Variants in MAGI2 observed in about 807,000 individuals in gnomAD.
MAGI2 encodes membrane associated guanylate kinase, WW and PDZ domain containing 2.
In MAGI2, 35 loss-of-function variants were observed where a neutral mutation model predicts 133.3. The ratio of observed to expected loss-of-function variants is 0.26; its 90% CI spans 0.20 to 0.35. MAGI2 has a LOEUF of 0.35. MAGI2 is among the 10% of genes least tolerant of loss of function. The pLI, the probability that MAGI2 is intolerant of heterozygous loss-of-function variation, is 1.00. For missense variants in MAGI2, 1,636 were observed against 1,863.4 expected, an observed-to-expected ratio of 0.88 and a Z score of 2.25; for synonymous variants, 729 against 710.6, an observed-to-expected ratio of 1.03 and a Z score of -0.41.
At chr7:78,534,473 A>G (rs1797718771) in intron 3 of MAGI2, among the ~76,000 whole-genome samples, 1 of 152,164 alleles carries the variant, frequency 6.6e-6, no homozygotes, top group Non-Finnish European at 1.5e-5. Flanking sequence ...TTGTATATAT[A>G]TGTGTGTGTG....
At position 78,603,613 on chromosome 7, in the gene MAGI2, C is replaced by G. The variant is rs140346241; in HGVS notation, c.538+23507G>C. On this transcript the variant is annotated intron_variant, in intron 3 of 21. Transcript: ENST00000354212. ...TGTCAGCTCACTGCAACCTCTGCCTCCCAGGTTCAAGCAATTCTCCTGCCT... is the reference window on the plus strand; with the variant it reads ...TGTCAGCTCACTGCAACCTCTGCCTGCCAGGTTCAAGCAATTCTCCTGCCT... Among the ~76,000 whole-genome samples the G allele has an allele frequency of 6.4e-3, 981 of 152,278 alleles. 9 individuals carry two copies. Among genetic ancestry groups the G allele is most frequent in the Non-Finnish European group, 9.3e-3 (634 of 68,018 alleles).
rs550720211 is a variant in MAGI2 at position 78,849,044 on chromosome 7, C to A, written c.418+158046G>T. On this transcript the variant is annotated intron_variant, in intron 2 of 21. Coordinates refer to ENST00000354212, the MANE Select transcript of MAGI2 (RefSeq NM_012301.4). Reference sequence around the variant, plus strand: ...TCAAACAAATGGTTATAAAACATTGCTTTTTATGCAAATTCCAAATTTATT... The same window carrying A: ...TCAAACAAATGGTTATAAAACATTGATTTTTATGCAAATTCCAAATTTATT... Among the ~76,000 whole-genome samples the A allele has an allele frequency of 8.5e-5, 13 of 152,118 alleles. 1 individual carries two copies. In the South Asian group the frequency reaches 2.7e-3, roughly 32 times the overall value.
intron 6 of MAGI2, among the ~76,000 whole-genome samples, chr7:78,454,044 T>C (rs896561461): frequency 1.1e-4 from 17 of 152,128 alleles, no homozygotes; most frequent in African/African-American, 3.9e-4. Flanking sequence ...ATGACTGATA[T>C]CATAAATACA....
At chr7:78,690,035 C>T (rs886356017) in intron 2 of MAGI2, among the ~76,000 whole-genome samples, 1 of 152,010 alleles carries the variant, frequency 6.6e-6, no homozygotes, top group African/African-American at 2.4e-5. Flanking sequence ...TCATGTTTTG[C>T]AAGAGTTATT....
chr7:78,996,229 A>G (rs1266716714), intron 2 of MAGI2, among the ~76,000 whole-genome samples: 4 of 151,976 alleles, frequency 2.6e-5, no homozygotes, highest in Non-Finnish European at 4.4e-5. Flanking sequence ...CATCAGTGTC[A>G]ACAAATTAAA....
intron 10 of MAGI2, among the ~76,000 whole-genome samples, chr7:78,212,323 C>A (rs1787846108): frequency 6.6e-6 from 1 of 152,214 alleles, no homozygotes; most frequent in African/African-American, 2.4e-5. Context: ...TAAAGGCCTT[C>A]AGATGCAAAG....
chr7:79,375,922 T>A (rs1308725422), intron 1 of MAGI2, among the ~76,000 whole-genome samples: 1 of 151,958 alleles, frequency 6.6e-6, no homozygotes, highest in South Asian at 2.1e-4. Flanking sequence ...ATATATGCTT[T>A]AAATGACCAG....
Position 78,617,313 on chromosome 7 carries a change from A to G in MAGI2, c.538+9807T>C, listed in dbSNP as rs573321858. 5 of 152,218 alleles carry G rather than the reference A, an allele frequency of 3.3e-5. No homozygotes were observed. The South Asian group carries it at 8.3e-4, about 25-fold the overall frequency. The allele number at this position is 152,218 out of a possible 1,614,324, so 9.4% of individuals were successfully genotyped here. On this transcript the variant is annotated intron_variant, in intron 3 of 21. Transcript: ENST00000354212. ...ACTTTCCATTTTGTTGTAACTTATAATTTAAATTTGTGCTTTCTGCTGGTC... is the reference window on the plus strand; with the variant it reads ...ACTTTCCATTTTGTTGTAACTTATAGTTTAAATTTGTGCTTTCTGCTGGTC...
intron 4 of MAGI2, among the ~76,000 whole-genome samples, chr7:78,513,683 C>T (rs1264557958): frequency 6.6e-6 from 1 of 152,182 alleles, no homozygotes; most frequent in African/African-American, 2.4e-5. Flanking sequence ...CCTTGTTCTG[C>T]CTTCCTCACT....
chr7:79,100,139 T>A (rs1817850702), intron 1 of MAGI2, among the ~76,000 whole-genome samples: 1 of 152,202 alleles, frequency 6.6e-6, no homozygotes, highest in African/African-American at 2.4e-5. Context: ...CCTTTTGTTA[T>A]AAATTAAAGT....
chr7:78,495,472 C>T (rs1794004162), intron 5 of MAGI2, among the ~76,000 whole-genome samples: 1 of 152,146 alleles, frequency 6.6e-6, no homozygotes, highest in African/African-American at 2.4e-5. Context: ...ATGATTGTAA[C>T]ATTTTCCAAA....
intron 3 of MAGI2, among the ~76,000 whole-genome samples, chr7:78,612,770 T>C (rs1352852877): frequency 6.6e-6 from 1 of 152,056 alleles, no homozygotes; most frequent in African/African-American, 2.4e-5. Context: ...CCCAGGTTCA[T>C]GCCATTCTCC....
At chr7:79,003,107 G>T (rs758998787) in intron 2 of MAGI2, among the ~76,000 whole-genome samples, 15 of 151,986 alleles carry the variant, frequency 9.9e-5, no homozygotes, top group Non-Finnish European at 1.9e-4. Flanking sequence ...TCAGCAAGCA[G>T]CAGGAAACAG....
chr7:78,370,082 A>C (rs914719917), intron 6 of MAGI2, among the ~76,000 whole-genome samples: 1 of 152,092 alleles, frequency 6.6e-6, no homozygotes, highest in East Asian at 1.9e-4. Context: ...TGAAGTTTAA[A>C]AAGTTTTATT....
chr7:78,050,599 G>T (rs1261749026), intron 21 of MAGI2, among the ~76,000 whole-genome samples: 1 of 152,170 alleles, frequency 6.6e-6, no homozygotes, highest in African/African-American at 2.4e-5. Context: ...AGAAAGCAGG[G>T]GAATTGAAAC....
intron 10 of MAGI2, among the ~76,000 whole-genome samples, chr7:78,220,731 C>T (rs190042957): frequency 1.1e-3 from 168 of 152,308 alleles, no homozygotes; most frequent in Middle Eastern, 0.01. Context: ...TGCCCAAACG[C>T]ATCCATTTTT....
intron 21 of MAGI2, among the ~76,000 whole-genome samples, chr7:78,066,461 TAAAAAA>T (rs5885038): frequency 6.8e-6 from 1 of 146,560 alleles, no homozygotes; most frequent in Non-Finnish European, 1.5e-5. Flanking sequence ...GACTCTGTCT[TAAAAAA>T]AAAAAAAAAT....
intron 2 of MAGI2, among the ~76,000 whole-genome samples, chr7:78,892,127 C>T (rs1796815817): frequency 6.6e-6 from 1 of 152,178 alleles, no homozygotes; most frequent in African/African-American, 2.4e-5. Context: ...CTCCCATTCA[C>T]AATTGCTTCA....
chr7:79,202,789 T>C (rs2129552028), intron 1 of MAGI2, among the ~76,000 whole-genome samples: 1 of 152,106 alleles, frequency 6.6e-6, no homozygotes, highest in South Asian at 2.1e-4. Flanking sequence ...TCTAAAAACC[T>C]GTACTACTTA....
Sources: gnomAD v4.1 joint callset for allele counts (sites outside exome capture counted in the v4.1 genomes callset) on GRCh38, gnomAD v4.1.1 for gene constraint, MANE v1.5 for transcripts, NCBI Gene and HGNC (gene_info 2026-07-23, HGNC 2026-07-21) for gene names.